Variants in LTBP2 observed in about 807,000 individuals in gnomAD.
LTBP2 encodes the protein latent-transforming growth factor beta-binding protein 2.
A neutral mutation model predicts 210.6 loss-of-function variants in LTBP2; 103 were observed. That is an observed-to-expected ratio of 0.49 (90% confidence interval 0.42 to 0.58). LTBP2 has a LOEUF of 0.58. LTBP2 is among the 20% of genes least tolerant of loss of function. The probability of loss-of-function intolerance (pLI) is 0.00; values close to 1 mark genes in which losing one functional copy is unlikely to be tolerated. For synonymous variants in LTBP2, 1,007 were observed against 1,015.0 expected, an observed-to-expected ratio of 0.99 and a Z score of 0.15; for missense variants, 2,313 against 2,494.5, an observed-to-expected ratio of 0.93 and a Z score of 1.55.
At chr14:74,531,516 T>A (rs950878506) in intron 10 of LTBP2, among the ~76,000 whole-genome samples, 9 of 152,128 alleles carry the variant, frequency 5.9e-5, no homozygotes, top group Non-Finnish European at 1.3e-4. Context: ...GGCCCCTCAC[T>A]CTCTGGGCAC....
In LTBP2 at chr14:74,528,553, C is replaced by T. The variant is rs767387605; in HGVS notation, c.2298G>A (p.Gly766=). The stretch of plus-strand genomic sequence containing the variant: ...CCCGGAGGGGCTGCCTCTCTGCTGG[C>T]CCGGGCAGTGCCCCGCTGCTCCTCT... ...QGQRSSGALP[G]PAERQPLRVV... The change falls in exon 12 of 36, where the codon GGG becomes GGA. Residue 766 remains glycine (G), a synonymous_variant. Transcript: ENST00000261978. The T allele has an allele frequency of 1.9e-6, 3 of 1,613,098 alleles. No individual in the cohort carries two copies. The highest frequency in any genetic ancestry group is 2.5e-6 in the Non-Finnish European group (3 of 1,180,040).
intron 10 of LTBP2, among the ~76,000 whole-genome samples, chr14:74,529,959 G>T (rs1321855696): frequency 6.6e-6 from 1 of 152,152 alleles, no homozygotes; most frequent in Non-Finnish European, 1.5e-5. Context: ...GGGAAGTGCT[G>T]GTCAGGCCCA....
Position 74,555,490 on chromosome 14 carries a change from A to C in LTBP2, c.1021+13T>G. ...GCCCTGCTCTTCTAGGACCCAAGACAGGGTATCCTTACCCCAGGGGGATGA... is the reference window on the plus strand; with the variant it reads ...GCCCTGCTCTTCTAGGACCCAAGACCGGGTATCCTTACCCCAGGGGGATGA... On this transcript the variant is annotated intron_variant, in intron 4 of 35. Transcript: ENST00000261978. 6.2e-7 allele frequency: 1 copy of C among 1,612,684 alleles called. No homozygotes were observed. The highest frequency in any genetic ancestry group is 1.3e-5 in the African/African-American group (1 of 75,002).
chr14:74,526,092 G>A lies in LTBP2; in HGVS notation c.2411C>T (p.Ala804Val), dbSNP rs760273619. 3 of 1,605,912 alleles carry A rather than the reference G, an allele frequency of 1.9e-6. No individual in the cohort carries two copies. Among genetic ancestry groups the A allele is most frequent in the Non-Finnish European group, 8.5e-7 (1 of 1,175,844 alleles). Residue 804 changes from alanine to valine, a missense_variant, in exon 14 of 36, where the codon GCA becomes GTA. Ala to Val is a moderately conservative substitution (Grantham distance 64). Transcript: ENST00000261978. ...GGACTCACCTGTGACCCAGGCAGGT[G>A]CATGAGTGACACTGGTCGTGACCTG... ...AGQVTTSVTHAPAWVTGNATT... is the reference protein window; with the variant it reads ...AGQVTTSVTHVPAWVTGNATT...
chr14:74,570,872 C>A (rs1444176994), intron 3 of LTBP2, among the ~76,000 whole-genome samples: 1 of 152,156 alleles, frequency 6.6e-6, no homozygotes, highest in Non-Finnish European at 1.5e-5. Flanking sequence ...TCTGGAAACA[C>A]CTTCAAGTGC....
chr14:74,592,820 C>T (rs964534590), intron 2 of LTBP2, among the ~76,000 whole-genome samples: 2 of 152,178 alleles, frequency 1.3e-5, no homozygotes, highest in Middle Eastern at 3.2e-3. Context: ...CTGCAGAAGA[C>T]GGAATACCCC....
intron 17 of LTBP2, among the ~76,000 whole-genome samples, chr14:74,521,509 C>T (rs138373993): frequency 0.01 from 1,570 of 152,244 alleles, 35 homozygotes; most frequent in African/African-American, 0.036. Context: ...CAAAGGCACA[C>T]CTACTCCCAG....
rs141495744 is a variant in LTBP2, at chr14:74,589,580, C to T, written c.566-3462G>A. On this transcript the variant is annotated intron_variant, in intron 2 of 35. Coordinates refer to ENST00000261978, the MANE Select transcript of LTBP2 (RefSeq NM_000428.3). ...GAGAATTGTAACCCAGAGCACTTCC[C>T]CAAACACAAACTGCCACCACGGCAG... Among the ~76,000 whole-genome samples, 236 of 152,304 alleles carry T rather than the reference C, an allele frequency of 1.5e-3. 1 individual carries two copies. The highest frequency in any genetic ancestry group is 5.3e-3 in the African/African-American group (222 of 41,562).
chr14:74,578,694 T>G (rs1377042651), intron 3 of LTBP2, among the ~76,000 whole-genome samples: 1 of 152,196 alleles, frequency 6.6e-6, no homozygotes, highest in Admixed American at 6.6e-5. Flanking sequence ...TCAGCAGACC[T>G]GTCCACAACA....
At chr14:74,512,494 T>G (rs2087083705) in intron 18 of LTBP2, among the ~76,000 whole-genome samples, 1 of 152,170 alleles carries the variant, frequency 6.6e-6, no homozygotes, top group African/African-American at 2.4e-5. Context: ...AGCCAGCAGC[T>G]GTCACTGCTG....
chr14:74,550,250 CACAG>C (rs1167515373), intron 7 of LTBP2, among the ~76,000 whole-genome samples: 1 of 152,206 alleles, frequency 6.6e-6, no homozygotes, highest in Non-Finnish European at 1.5e-5. Context: ...TGGCCCCAAC[CACAG>C]ACAAAGGGTC....
chr14:74,605,237 T>C (rs1013881937), intron 1 of LTBP2, among the ~76,000 whole-genome samples: 1 of 152,194 alleles, frequency 6.6e-6, no homozygotes, highest in Non-Finnish European at 1.5e-5. Flanking sequence ...GCTTATGTGG[T>C]TTTTGGAGTC....
In LTBP2 at chr14:74,504,282, C is replaced by T. The variant is rs1469732709; in HGVS notation, c.4454-228G>A. On this transcript the variant is annotated intron_variant, in intron 30 of 35. Coordinates refer to ENST00000261978, the MANE Select transcript of LTBP2 (RefSeq NM_000428.3). ...GTGAGGTGCTCAAAAAAGTGCACGG[C>T]GTGTAGCCAGCACCCAAGAAAAGCA... is the stretch of plus-strand genomic sequence containing the variant. Among the ~76,000 whole-genome samples the T allele has an allele frequency of 4.6e-5, 7 of 152,314 alleles. No homozygotes were observed. The East Asian group carries it at 7.7e-4, about 17-fold the overall frequency.
At chr14:74,505,265 TG>T (rs1333335046) in intron 28 of LTBP2, 91 bp from the exon 29 acceptor site, 5 of 1,427,342 alleles carry the variant, frequency 3.5e-6, no homozygotes, top group African/African-American at 1.4e-5. Context: ...TTAACATTTG[TG>T]TAGCACTTTA....
intron 3 of LTBP2, among the ~76,000 whole-genome samples, chr14:74,558,104 G>A (rs111705565): frequency 2.2e-4 from 34 of 152,338 alleles, no homozygotes; most frequent in African/African-American, 7.5e-4. Context: ...CCTGGCAGAA[G>A]GCAAACTAGG....
In LTBP2 at chr14:74,611,825, T is replaced by C. The variant is rs1434407295; in HGVS notation, c.120A>G (p.Val40=). The change falls in exon 1 of 36, where the codon GTA becomes GTG. Residue 40 remains valine, a synonymous_variant. Transcript: ENST00000261978. ...CTCCACCAGCCGGCTCGTATCTCCC[T>C]ACGGGGTCCCTTTGGGCATGACCCG... ...VGAGHAQRDP[V]GRYEPAGGDA... 5 of 1,611,568 alleles carry C rather than the reference T, an allele frequency of 3.1e-6. No individual in the cohort carries two copies. In the African/African-American group the frequency reaches 4.0e-5, roughly 13 times the overall value.
At chr14:74,501,784 A>G in intron 34 of LTBP2, 194 bp from the exon 35 acceptor site, 2 of 657,568 alleles carry the variant, frequency 3.0e-6, no homozygotes, top group South Asian at 3.9e-5. Flanking sequence ...AGTATGTGTC[A>G]TTTTAGATGG....
chr14:74,522,439 T>C (rs951955142), intron 16 of LTBP2, among the ~76,000 whole-genome samples: 6 of 152,088 alleles, frequency 3.9e-5, no homozygotes, highest in African/African-American at 1.2e-4. Context: ...GGTGGAGACA[T>C]TTGCAACTGG....
At chr14:74,594,263 C>T (rs1216816608) in intron 2 of LTBP2, among the ~76,000 whole-genome samples, 3 of 152,164 alleles carry the variant, frequency 2.0e-5, no homozygotes. Context: ...CTCCTGGGCC[C>T]CAGAGACACC....
Sources: allele counts gnomAD v4.1 joint callset (sites outside exome capture counted in the v4.1 genomes callset), GRCh38; gene constraint gnomAD v4.1.1; transcripts MANE v1.5; gene names NCBI Gene and HGNC (gene_info 2026-07-23, HGNC 2026-07-21).